CNTNAP5: variants seen among roughly 807,000 people sequenced by gnomAD.
CNTNAP5 encodes contactin-associated protein-like 5.
In CNTNAP5, 72 loss-of-function variants were observed where a neutral mutation model predicts 150.2. The observed-to-expected ratio is 0.48, with a 90% CI of 0.40 to 0.58. The LOEUF is 0.58. Among genes scored for constraint, CNTNAP5 ranks in the 20% least tolerant of loss-of-function variants. CNTNAP5 has a pLI of 0.00. For synonymous variants in CNTNAP5, 672 were observed against 619.8 expected, an observed-to-expected ratio of 1.08 and a Z score of -1.25; for missense variants, 1,636 against 1,626.2, an observed-to-expected ratio of 1.01 and a Z score of -0.10.
chr2:124,233,061 A>G (rs1401377717), intron 2 of CNTNAP5, among the ~76,000 whole-genome samples: 1 of 151,230 alleles, frequency 6.6e-6, no homozygotes, highest in Non-Finnish European at 1.5e-5. Flanking sequence ...TTTTCATTAC[A>G]AAAGGATTAA....
At chr2:124,089,190 T>C (rs1055294280) in intron 1 of CNTNAP5, among the ~76,000 whole-genome samples, 4 of 152,178 alleles carry the variant, frequency 2.6e-5, no homozygotes, top group South Asian at 2.1e-4. Context: ...TATTAGAATG[T>C]CCAGGATTCT....
chr2:124,504,424 T>C lies in CNTNAP5; in HGVS notation c.1195T>C (p.Trp399Arg), dbSNP rs1694353212. ...GLSVSFQFRT[W>R]NKDGLLLSTE... The stretch of plus-strand genomic sequence containing the variant: ...CTCAGTGAGTTTCCAGTTTCGAACA[T>C]GGAACAAGGATGGTCTGCTTCTGTC... Residue 399 changes from tryptophan (W) to arginine (R), a missense_variant, in exon 8 of 24, where the codon TGG becomes CGG. Coordinates refer to ENST00000682447, the MANE Select transcript of CNTNAP5 (RefSeq NM_001367498.1). The C allele has an allele frequency of 1.2e-6, 2 of 1,613,760 alleles. No homozygotes were observed. The highest frequency in any genetic ancestry group is 2.2e-5 in the South Asian group (2 of 91,078).
At chr2:124,413,947 AACAG>A (rs1208794149) in intron 3 of CNTNAP5, among the ~76,000 whole-genome samples, 1 of 151,916 alleles carries the variant, frequency 6.6e-6, no homozygotes, top group African/African-American at 2.4e-5. Context: ...TGTGCTTTGG[AACAG>A]ACAAAGTATT....
At chr2:124,843,158 G>A (rs1163343667) in intron 19 of CNTNAP5, among the ~76,000 whole-genome samples, 1 of 152,066 alleles carries the variant, frequency 6.6e-6, no homozygotes, top group Non-Finnish European at 1.5e-5. Context: ...ACAATGTTTG[G>A]TTTTTCATTC....
At chr2:124,163,560 A>G (rs78897976) in intron 1 of CNTNAP5, among the ~76,000 whole-genome samples, 2 of 152,222 alleles carry the variant, frequency 1.3e-5, no homozygotes, top group East Asian at 1.9e-4. Flanking sequence ...ATTGAACAAC[A>G]AAAAATGCTA....
intron 19 of CNTNAP5, among the ~76,000 whole-genome samples, chr2:124,816,930 ATG>A (rs1682377168): frequency 6.6e-6 from 1 of 152,192 alleles, no homozygotes; most frequent in South Asian, 2.1e-4. Context: ...GCCATATTCT[ATG>A]TGTTTAAAGC....
chr2:124,247,869 A>C (rs1404462719), intron 3 of CNTNAP5, among the ~76,000 whole-genome samples: 2 of 152,172 alleles, frequency 1.3e-5, no homozygotes, highest in African/African-American at 4.8e-5. Context: ...TTTTTGTTAA[A>C]TAATAAAGAC....
chr2:124,420,893 G>A (rs1692087075), intron 4 of CNTNAP5, among the ~76,000 whole-genome samples: 1 of 152,098 alleles, frequency 6.6e-6, no homozygotes, highest in Non-Finnish European at 1.5e-5. Context: ...GGGAAACTCT[G>A]ACTAATACAG....
intron 1 of CNTNAP5, among the ~76,000 whole-genome samples, chr2:124,176,460 C>T (rs927654796): frequency 3.9e-5 from 6 of 152,138 alleles, no homozygotes; most frequent in Admixed American, 3.9e-4. Flanking sequence ...GAAAATTTCC[C>T]CATTGCCTCT....
intron 3 of CNTNAP5, among the ~76,000 whole-genome samples, chr2:124,374,477 T>C (rs1052266160): frequency 4.1e-4 from 63 of 152,072 alleles, no homozygotes; most frequent in African/African-American, 1.4e-3. Flanking sequence ...AGAGAAGAAG[T>C]CAATCATACT....
chr2:124,088,378 T>C lies in CNTNAP5; in HGVS notation c.82+62646T>C, dbSNP rs1204639521. ...TTCCAGCGTGTTCATAATTGATTAC[T>C]GAAACATTTTATCATGGTTGTTTTT... On this transcript the variant is annotated intron_variant, in intron 1 of 23. Coordinates refer to ENST00000682447, the MANE Select transcript of CNTNAP5 (RefSeq NM_001367498.1). 2.0e-5 allele frequency among the ~76,000 whole-genome samples: 3 copies of C among 152,212 alleles called. No homozygotes were observed. In the East Asian group the frequency reaches 5.8e-4, roughly 29 times the overall value.
intron 22 of CNTNAP5, among the ~76,000 whole-genome samples, chr2:124,905,770 G>C (rs549023311): frequency 8.5e-5 from 13 of 152,276 alleles, no homozygotes; most frequent in Admixed American, 2.6e-4. Flanking sequence ...CCATGGGAAG[G>C]AATGGGGTGA....
chr2:124,056,527 T>C (rs1166392882), intron 1 of CNTNAP5, among the ~76,000 whole-genome samples: 1 of 152,102 alleles, frequency 6.6e-6, no homozygotes, highest in Non-Finnish European at 1.5e-5. Flanking sequence ...GCTCCTGTAA[T>C]CCCAGCTACT....
At chr2:124,454,108 A>G (rs964193176) in intron 6 of CNTNAP5, among the ~76,000 whole-genome samples, 1 of 152,234 alleles carries the variant, frequency 6.6e-6, no homozygotes, top group Non-Finnish European at 1.5e-5. Flanking sequence ...ACAGAATTGC[A>G]GAATGGATAA....
chr2:124,676,385 A>G (rs1678940479), intron 13 of CNTNAP5, among the ~76,000 whole-genome samples: 1 of 152,220 alleles, frequency 6.6e-6, no homozygotes, highest in Non-Finnish European at 1.5e-5. Flanking sequence ...GAAGCTTATC[A>G]AAACCCTTAT....
chr2:124,697,142 C>T (rs1679421788), intron 13 of CNTNAP5, among the ~76,000 whole-genome samples: 1 of 152,044 alleles, frequency 6.6e-6, no homozygotes, highest in Admixed American at 6.6e-5. Flanking sequence ...TACGGAAATA[C>T]TGAGACAATA....
At chr2:124,363,191 A>T (rs896158962) in intron 3 of CNTNAP5, among the ~76,000 whole-genome samples, 3 of 152,098 alleles carry the variant, frequency 2.0e-5, no homozygotes, top group African/African-American at 7.2e-5. Flanking sequence ...TGAAAATCTT[A>T]TTTGATCACT....
intron 2 of CNTNAP5, among the ~76,000 whole-genome samples, chr2:124,226,768 G>A (rs1453000835): frequency 6.6e-6 from 1 of 151,980 alleles, no homozygotes; most frequent in Non-Finnish European, 1.5e-5. Context: ...GTCAAGGGGG[G>A]CAGATTTGGT....
chr2:124,402,407 A>G lies in CNTNAP5; in HGVS notation c.382-15036A>G, dbSNP rs13010606. 2.2e-3 allele frequency among the ~76,000 whole-genome samples: 337 copies of G among 152,334 alleles called. 2 individuals are homozygous for G. Among genetic ancestry groups the G allele is most frequent in the Non-Finnish European group, 3.6e-3 (245 of 68,038 alleles). On this transcript the variant is annotated intron_variant, in intron 3 of 23. Coordinates refer to ENST00000682447, the MANE Select transcript of CNTNAP5 (RefSeq NM_001367498.1). ...CACAACTCCAACAGAGTAAGAGCAC[A>G]GAGTCGATAGCGACTCCCTGAGAGA...
Sources: allele counts gnomAD v4.1 joint callset (sites outside exome capture counted in the v4.1 genomes callset), GRCh38; gene constraint gnomAD v4.1.1; transcripts MANE v1.5; gene names NCBI Gene and HGNC (gene_info 2026-07-23, HGNC 2026-07-21).